Variants in PDE4A observed in about 807,000 individuals in gnomAD.
PDE4A encodes phosphodiesterase 4A, also known as 3',5'-cyclic-AMP phosphodiesterase 4A.
In PDE4A, 21 loss-of-function variants were observed where a neutral mutation model predicts 73.9. The ratio of observed to expected loss-of-function variants is 0.28; its 90% confidence interval spans 0.20 to 0.41. The LOEUF is 0.41. Ranked by LOEUF, PDE4A falls within the 10% of genes least tolerant of loss-of-function variation. The probability of loss-of-function intolerance (pLI) is 1.00; values close to 1 mark genes in which losing one functional copy is unlikely to be tolerated. For missense variants in PDE4A, 958 were observed against 1,211.4 expected (o/e 0.79, Z 3.10); for synonymous variants, 463 against 505.4 (o/e 0.92, Z 1.13).
At chr19:10,437,906 G>C (rs925236386) in intron 1 of PDE4A, among the ~76,000 whole-genome samples, 4 of 151,044 alleles carry the variant, frequency 2.6e-5, no homozygotes, top group African/African-American at 9.7e-5. Flanking sequence ...CAGGGCTCAG[G>C]TGATCCTCCC....
upstream of PDE4A, chr19:10,416,842 C>A: frequency 1.3e-6 from 2 of 1,532,838 alleles, no homozygotes; most frequent in Non-Finnish European, 8.7e-7. Context: ...CAGGGGGAGC[C>A]CTGGGGCACT....
intron 1 of PDE4A, among the ~76,000 whole-genome samples, chr19:10,429,608 G>A (rs1287689758): frequency 6.6e-6 from 1 of 152,188 alleles, no homozygotes; most frequent in African/African-American, 2.4e-5. Context: ...AAAGTGCTGG[G>A]ATTACAGGCA....
At chr19:10,450,209 G>C (rs974652680) in intron 4 of PDE4A, among the ~76,000 whole-genome samples, 1 of 152,242 alleles carries the variant, frequency 6.6e-6, no homozygotes, top group Non-Finnish European at 1.5e-5. Context: ...TGCGTACATA[G>C]GAGTGGATCT....
chr19:10,421,091 C>A lies in PDE4A; in HGVS notation c.320+7C>A. 7.3e-7 allele frequency: 1 copy of A among 1,365,794 alleles called. No homozygotes were observed. Among genetic ancestry groups the A allele is most frequent in the Middle Eastern group, 2.5e-4 (1 of 3,948 alleles). 84.6% of individuals were successfully genotyped at this position (1,365,794 alleles called of 1,614,324 possible). On this transcript the variant is annotated splice_region_variant and intron_variant, in intron 1 of 14. Transcript: ENST00000380702. ...GCGGAGGCAGCAGCAGGCGGTAAGA[C>A]TCCCCGCGGCGGATGCGCGCGGAAC... is the stretch of plus-strand genomic sequence containing the variant.
intron 11 of PDE4A, 95 bp downstream of exon 11, chr19:10,461,198 T>C (rs1479262304): frequency 8.9e-7 from 1 of 1,127,732 alleles, no homozygotes; most frequent in Non-Finnish European, 1.1e-6. Flanking sequence ...AGGGGCTGGC[T>C]GGCCTGGGGG....
chr19:10,432,334 C>A, intron 1 of PDE4A: 1 of 1,271,346 alleles, frequency 7.9e-7, no homozygotes, highest in South Asian at 2.7e-5. Context: ...GAGGCGGTGC[C>A]GGCAGTGGAG....
At position 10,453,664 on chromosome 19, in the gene PDE4A, G is replaced by C. The variant is rs375888861; in HGVS notation, c.784-1165G>C. Among the ~76,000 whole-genome samples the C allele has an allele frequency of 2.7e-4, 41 of 152,240 alleles. 1 individual carries two copies. In the East Asian group the frequency reaches 5.8e-3, roughly 21 times the overall value. ...ATCATCTGGCTCTGACCATGGTGTTGTGTGTTGGGTTGTGTGTCTGAGCCC... is the reference window on the plus strand; with the variant it reads ...ATCATCTGGCTCTGACCATGGTGTTCTGTGTTGGGTTGTGTGTCTGAGCCC... On this transcript the variant is annotated intron_variant, in intron 6 of 14. Coordinates refer to ENST00000380702, the MANE Select transcript of PDE4A (RefSeq NM_001111307.2). This position sits in a 1 kb window ranked among gnomAD's most constrained non-coding sequence, Gnocchi z 4.6.
intron 7 of PDE4A, among the ~76,000 whole-genome samples, chr19:10,456,396 C>T (rs752255757): frequency 3.9e-5 from 6 of 152,034 alleles, no homozygotes; most frequent in Admixed American, 1.3e-4. Flanking sequence ...CGTGTTGGCA[C>T]ACACCTGTAA....
At chr19:10,421,205 G>A in intron 1 of PDE4A, 121 bp downstream of exon 1, 1 of 1,333,950 alleles carries the variant, frequency 7.5e-7, no homozygotes, top group Non-Finnish European at 9.5e-7. Context: ...GGCGGGGGCG[G>A]AGGGAATTCG....
Position 10,450,551 on chromosome 19 carries a change from C to G in PDE4A, c.621-52C>G, listed in dbSNP as rs1044814999. 5.8e-6 allele frequency: 9 copies of G among 1,549,728 alleles called. No individual in the cohort carries two copies. The East Asian group carries it at 1.9e-4, about 32-fold the overall frequency. On this transcript the variant is annotated intron_variant, in intron 4 of 14. Coordinates refer to ENST00000380702, the MANE Select transcript of PDE4A (RefSeq NM_001111307.2). Reference sequence around the variant, plus strand: ...GTTCATGAAAGCGGGAGGCAGGGACCTGGTGGGGGGACCCAGGCTGACATT... The same window carrying G: ...GTTCATGAAAGCGGGAGGCAGGGACGTGGTGGGGGGACCCAGGCTGACATT...
intron 1 of PDE4A, among the ~76,000 whole-genome samples, chr19:10,426,376 T>C (rs2042718344): frequency 6.6e-6 from 1 of 152,072 alleles, no homozygotes; most frequent in South Asian, 2.1e-4. Flanking sequence ...CCAACACAAA[T>C]TCGTAAACTT....
rs1194479808 is a variant in PDE4A, at chr19:10,424,954, CG to C, written c.320+3872del. 2.6e-5 allele frequency among the ~76,000 whole-genome samples: 4 copies of C among 152,134 alleles called. No homozygotes were observed. The highest frequency in any genetic ancestry group is 5.9e-5 in the Non-Finnish European group (4 of 68,024). ...TTAAAAACCAGATCTCGGCCAGGCG[CG>C]GTGGCTCTGTAATCTGAGCACTTTG... is the stretch of plus-strand genomic sequence containing the variant. On this transcript the variant is annotated intron_variant, in intron 1 of 14. Coordinates refer to ENST00000380702, the MANE Select transcript of PDE4A (RefSeq NM_001111307.2). This position sits in a 1 kb window ranked among gnomAD's most constrained non-coding sequence, Gnocchi z 4.8.
chr19:10,416,930 C>T, upstream of PDE4A: 1 of 1,540,756 alleles, frequency 6.5e-7, no homozygotes, highest in Non-Finnish European at 8.7e-7. Context: ...CAACGGCGCG[C>T]TAGGTTGGCG....
At chr19:10,417,295 AG>A, upstream of PDE4A, 1 of 984,020 alleles carries the variant, frequency 1.0e-6, no homozygotes, top group Non-Finnish European at 1.2e-6. Context: ...GAGGGATGGG[AG>A]GGGGGCATTG....
intron 4 of PDE4A, 184 bp from the exon 5 acceptor site, chr19:10,450,419 C>T (rs1166845658): frequency 4.6e-6 from 4 of 878,784 alleles, no homozygotes; most frequent in Non-Finnish European, 5.5e-6. Context: ...GCCTCAGTTT[C>T]CACATCTATA....
chr19:10,426,083 G>A (rs1173104572), intron 1 of PDE4A, among the ~76,000 whole-genome samples: 4 of 150,484 alleles, frequency 2.7e-5, no homozygotes, highest in Non-Finnish European at 5.9e-5. Flanking sequence ...CTCACACCCA[G>A]CACTTTGGGA....
intron 11 of PDE4A, 70 bp downstream of exon 11, chr19:10,461,173 T>C: frequency 6.5e-7 from 1 of 1,538,048 alleles, no homozygotes; most frequent in South Asian, 1.2e-5. Context: ...GGGGCGGAAC[T>C]AACTAGGCTG....
Position 10,460,987 on chromosome 19 carries a change from C to T in PDE4A, c.1366-17C>T, listed in dbSNP as rs781366685. ...GCTTCAACTCTGTTATTCTAACATCCGTGTCTCTGCTCCCAGGCAGTGTTC... is the reference window on the plus strand; with the variant it reads ...GCTTCAACTCTGTTATTCTAACATCTGTGTCTCTGCTCCCAGGCAGTGTTC... On this transcript the variant is annotated splice_polypyrimidine_tract_variant and intron_variant, in intron 10 of 14. Transcript: ENST00000380702. The T allele has an allele frequency of 1.1e-5, 17 of 1,606,562 alleles. No individual in the cohort carries two copies. The highest frequency in any genetic ancestry group is 1.4e-5 in the Non-Finnish European group (17 of 1,174,568).
At chr19:10,422,024 C>G (rs1412499866) in intron 1 of PDE4A, among the ~76,000 whole-genome samples, 1 of 152,072 alleles carries the variant, frequency 6.6e-6, no homozygotes, top group Non-Finnish European at 1.5e-5. Context: ...GTTTCTGGGA[C>G]AGGGTTTGCG....
Sources: allele counts gnomAD v4.1 joint callset (sites outside exome capture counted in the v4.1 genomes callset), GRCh38; gene constraint gnomAD v4.1.1; non-coding constraint Gnocchi (gnomAD v3.1); transcripts MANE v1.5; gene names NCBI Gene and HGNC (gene_info 2026-07-23, HGNC 2026-07-21).